C8A: variants seen among roughly 807,000 people sequenced by gnomAD.
C8A encodes complement C8 alpha chain.
A neutral mutation model predicts 65.3 loss-of-function variants in C8A; 67 were observed. That is an observed-to-expected ratio of 1.03 (90% confidence interval 0.84 to 1.26). The LOEUF is 1.26. C8A is among the 50% of genes most tolerant of loss of function. The probability of loss-of-function intolerance (pLI) is 0.00; values close to 1 mark genes in which losing one functional copy is unlikely to be tolerated. For synonymous variants in C8A, 290 were observed against 259.4 expected (o/e 1.12, Z -1.13); for missense variants, 781 against 723.9 (o/e 1.08, Z -0.90).
At chr1:56,910,862 C>G (rs1644499854) in intron 9 of C8A, among the ~76,000 whole-genome samples, 1 of 152,152 alleles carries the variant, frequency 6.6e-6, no homozygotes, top group Non-Finnish European at 1.5e-5. Context: ...GTGGCTCAGT[C>G]CTACTGCTGA....
intron 7 of C8A, among the ~76,000 whole-genome samples, chr1:56,902,510 A>C (rs1644434264): frequency 6.6e-6 from 1 of 152,124 alleles, no homozygotes; most frequent in Admixed American, 6.5e-5. Context: ...TTATGGTAAA[A>C]ATACTTTAAC....
intron 4 of C8A, 139 bp from the exon 5 acceptor site, chr1:56,881,306 A>G (rs894931932): frequency 3.6e-6 from 3 of 824,128 alleles, no homozygotes; most frequent in South Asian, 3.1e-5. Flanking sequence ...TTTTAAGTTC[A>G]GGGGTACATG....
intron 7 of C8A, among the ~76,000 whole-genome samples, chr1:56,887,293 T>A (rs1433298121): frequency 6.6e-6 from 1 of 152,196 alleles, no homozygotes; most frequent in African/African-American, 2.4e-5. Flanking sequence ...TTTTCCACAA[T>A]GGCTAAACTA....
chr1:56,877,770 G>A (rs1644211946), intron 4 of C8A, among the ~76,000 whole-genome samples: 1 of 152,114 alleles, frequency 6.6e-6, no homozygotes, highest in Non-Finnish European at 1.5e-5. Context: ...GAGTGACCCA[G>A]CCCTGTTGCA....
At chr1:56,855,070 T>C in intron 1 of C8A, 92 bp downstream of exon 1, 1 of 965,394 alleles carries the variant, frequency 1.0e-6, no homozygotes, top group Non-Finnish European at 1.7e-6. Context: ...GAGGCTGTGT[T>C]AGAATGGAAA....
intron 7 of C8A, among the ~76,000 whole-genome samples, chr1:56,901,128 CCT>C (rs1644423481): frequency 1.3e-5 from 2 of 152,110 alleles, no homozygotes; most frequent in Non-Finnish European, 2.9e-5. Context: ...TTAGCTAACA[CCT>C]CCCAACTAGC....
intron 7 of C8A, among the ~76,000 whole-genome samples, chr1:56,898,018 C>A (rs925494186): frequency 4.9e-4 from 75 of 152,080 alleles, no homozygotes; most frequent in African/African-American, 1.8e-3. Flanking sequence ...TTGCTAGACC[C>A]TAAAGACATT....
chr1:56,907,929 T>C, intron 8 of C8A, 27 bp from the exon 9 acceptor site: 5 of 1,613,878 alleles, frequency 3.1e-6, no homozygotes, highest in Non-Finnish European at 4.2e-6. Flanking sequence ...GGAAATGAGT[T>C]AATGCAGTTT....
At chr1:56,863,638 A>G (rs944378807) in intron 1 of C8A, among the ~76,000 whole-genome samples, 2 of 152,178 alleles carry the variant, frequency 1.3e-5, no homozygotes, top group African/African-American at 4.8e-5. Flanking sequence ...CCAATTCGCC[A>G]TGTTCCCCCA....
rs377676831 is a variant in C8A at position 56,917,665 on chromosome 1, G to A, written c.1704G>A (p.Gln568=). Residue 568 remains glutamine (Q), a synonymous_variant, in exon 11 of 11, where the codon CAG becomes CAA. Transcript: ENST00000361249. ...RRRECDNPAP[Q]NGGASCPGRK... ...GAGAGTGTGACAATCCAGCACCTCA[G>A]AATGGAGGGGCCTCGTGTCCAGGGC... 4.9e-5 allele frequency: 79 copies of A among 1,614,220 alleles called. No individual in the cohort carries two copies. The African/African-American group carries it at 9.7e-4, about 20-fold the overall frequency.
chr1:56,867,746 T>A, intron 2 of C8A, 44 bp downstream of exon 2: 1 of 1,378,618 alleles, frequency 7.3e-7, no homozygotes, highest in Non-Finnish European at 1.0e-6. Context: ...ATATTTGATA[T>A]GTGTATTAGG....
At position 56,908,044 on chromosome 1, in the gene C8A, CAGG is replaced by C; in HGVS notation, c.1314_1316del (p.Arg438del). On this transcript the variant is annotated inframe_deletion, in exon 9 of 11. Transcript: ENST00000361249. ...GCTGGAGCGGTGGCTTGGCACAGAACAGGAGCACCATTACATACCGTTCCTGGG... is the reference window on the plus strand; with the variant it reads ...GCTGGAGCGGTGGCTTGGCACAGAACAGCACCATTACATACCGTTCCTGGG... 1 of 1,614,126 alleles carries C rather than the reference CAGG, an allele frequency of 6.2e-7. No homozygotes were observed. Among genetic ancestry groups the C allele is most frequent in the Non-Finnish European group, 8.5e-7 (1 of 1,180,004 alleles).
chr1:56,878,237 T>C (rs933987005), intron 4 of C8A, among the ~76,000 whole-genome samples: 3 of 152,104 alleles, frequency 2.0e-5, no homozygotes, highest in African/African-American at 7.2e-5. Context: ...AATTACCCCA[T>C]TAAGGACTCC....
chr1:56,855,290 T>C (rs1416035418), intron 1 of C8A, among the ~76,000 whole-genome samples: 2 of 152,192 alleles, frequency 1.3e-5, no homozygotes, highest in African/African-American at 4.8e-5. Context: ...AGAGTTAATG[T>C]AGATAAAATA....
intron 6 of C8A, among the ~76,000 whole-genome samples, chr1:56,885,432 ATATTTAAGTAAAT>A (rs1644289709): frequency 1.6e-5 from 2 of 123,332 alleles, no homozygotes; most frequent in South Asian, 2.6e-4. Context: ...ATTTAAATAT[ATATTTAAGTAAAT>A]ATATATATAT....
intron 9 of C8A, 28 bp downstream of exon 9, chr1:56,908,141 C>G: frequency 1.2e-6 from 2 of 1,609,864 alleles, no homozygotes; most frequent in Non-Finnish European, 1.7e-6. Flanking sequence ...TGAAGAAACT[C>G]TACGTCCATG....
At chr1:56,870,816 T>C (rs1398586766) in intron 2 of C8A, among the ~76,000 whole-genome samples, 1 of 152,200 alleles carries the variant, frequency 6.6e-6, no homozygotes, top group Non-Finnish European at 1.5e-5. Context: ...ATTAATTCTG[T>C]TAATTAGGTG....
intron 9 of C8A, among the ~76,000 whole-genome samples, chr1:56,911,070 T>TTTTTTGTTTTTTTTG (rs200194688): frequency 1.3e-5 from 2 of 151,638 alleles, no homozygotes; most frequent in African/African-American, 4.9e-5. Context: ...CATGGGTTTT[T>TTTTTTGTTTTTTTTG]TTTTTTTTTT....
rs1455202357 is a variant in C8A at position 56,875,051 on chromosome 1, A to C, written c.274A>C (p.Arg92=). 5.6e-6 allele frequency: 9 copies of C among 1,613,650 alleles called. No individual in the cohort carries two copies. Among genetic ancestry groups the C allele is most frequent in the Non-Finnish European group, 7.6e-6 (9 of 1,179,804 alleles). The part of the protein sequence containing the change: ...ASCSSSTTCV[R]QAQCGQDFQC... ...CTGCTCCAGTTCTACAACTTGTGTAAGGCAAGCACAGTGTGGACAGGATTT... is the reference window on the plus strand; with the variant it reads ...CTGCTCCAGTTCTACAACTTGTGTACGGCAAGCACAGTGTGGACAGGATTT... Residue 92 remains arginine (R), a synonymous_variant, in exon 3 of 11, where the codon AGG becomes CGG. Transcript: ENST00000361249.
Sources: gnomAD v4.1 joint callset for allele counts (sites outside exome capture counted in the v4.1 genomes callset) on GRCh38, gnomAD v4.1.1 for gene constraint, MANE v1.5 for transcripts, NCBI Gene and HGNC (gene_info 2026-07-23, HGNC 2026-07-21) for gene names.